The following DLC1 variants were observed in gnomAD, a reference collection of about 807,000 sequenced individuals.
The protein encoded by DLC1 is DLC1 Rho GTPase activating protein.
DLC1 carries 54 observed loss-of-function variants against 140.3 expected under a neutral mutation model. The ratio of observed to expected loss-of-function variants is 0.38; its 90% CI spans 0.31 to 0.48. DLC1 has a LOEUF of 0.48. Among genes scored for constraint, DLC1 ranks in the 20% least tolerant of loss-of-function variants. DLC1 has a pLI of 0.96. For missense variants in DLC1, 2,536 were observed against 1,907.0 expected, an observed-to-expected ratio of 1.33 and a Z score of -6.14; for synonymous variants, 986 against 728.1, an observed-to-expected ratio of 1.35 and a Z score of -5.70.
At chr8:13,346,516 G>C (rs1017299746) in intron 4 of DLC1, among the ~76,000 whole-genome samples, 1 of 152,194 alleles carries the variant, frequency 6.6e-6, no homozygotes, top group Non-Finnish European at 1.5e-5. Context: ...TGCCAAGTCT[G>C]TTCACAAAGT....
chr8:13,437,721 C>T (rs796178987), intron 2 of DLC1, among the ~76,000 whole-genome samples: 10 of 152,264 alleles, frequency 6.6e-5, no homozygotes, highest in African/African-American at 2.4e-4. Context: ...CAGTCCATGA[C>T]CTGGCTGCAG....
chr8:13,358,309 C>T (rs566953093), intron 4 of DLC1, among the ~76,000 whole-genome samples: 1 of 152,260 alleles, frequency 6.6e-6, no homozygotes, highest in South Asian at 2.1e-4. Context: ...ACCACGAAAG[C>T]ACTAAATTGG....
At chr8:13,588,067 A>T (rs569070973) in intron 1 of DLC1, among the ~76,000 whole-genome samples, 2 of 152,230 alleles carry the variant, frequency 1.3e-5, no homozygotes, top group Non-Finnish European at 2.9e-5. Flanking sequence ...AGGTTTTAAA[A>T]GTCAGACAGT....
chr8:13,422,038 C>A (rs1838342465), intron 2 of DLC1, among the ~76,000 whole-genome samples: 1 of 151,984 alleles, frequency 6.6e-6, no homozygotes, highest in Non-Finnish European at 1.5e-5. Context: ...AATAGTAATT[C>A]TTTGGTTATC....
At chr8:13,276,732 G>A (rs963426859) in intron 5 of DLC1, 58 of 462,174 alleles carry the variant, frequency 1.3e-4, no homozygotes, top group Non-Finnish European at 1.5e-4. Context: ...TCACATAGCA[G>A]GTCTTCCCTT....
At chr8:13,545,636 A>T (rs896879640) in intron 1 of DLC1, among the ~76,000 whole-genome samples, 18 of 152,242 alleles carry the variant, frequency 1.2e-4, no homozygotes, top group Admixed American at 7.9e-4. Flanking sequence ...ATATAAAGAG[A>T]ACATTTAGCC....
chr8:13,575,239 T>A (rs1804797636), intron 1 of DLC1, among the ~76,000 whole-genome samples: 1 of 152,150 alleles, frequency 6.6e-6, no homozygotes, highest in Admixed American at 6.6e-5. Flanking sequence ...GGAGAAAATT[T>A]GTTGTAGTCA....
chr8:13,577,905 G>T (rs1283964563), intron 1 of DLC1, among the ~76,000 whole-genome samples: 1 of 152,072 alleles, frequency 6.6e-6, no homozygotes, highest in Non-Finnish European at 1.5e-5. Context: ...AAGGAAGCCA[G>T]TTGATTAAAA....
At chr8:13,225,872 C>A (rs1828775017) in intron 5 of DLC1, among the ~76,000 whole-genome samples, 1 of 152,056 alleles carries the variant, frequency 6.6e-6, no homozygotes, top group Non-Finnish European at 1.5e-5. Flanking sequence ...GCCTTGGCCT[C>A]CGACTGTGCT....
chr8:13,567,076 A>G (rs1263477036), intron 1 of DLC1: 2 of 1,551,748 alleles, frequency 1.3e-6, no homozygotes, highest in Admixed American at 2.0e-5. Context: ...GAAGAACTCT[A>G]CTGATGAGGT....
At chr8:13,431,704 A>G (rs1412914638) in intron 2 of DLC1, among the ~76,000 whole-genome samples, 1 of 151,950 alleles carries the variant, frequency 6.6e-6, no homozygotes, top group Non-Finnish European at 1.5e-5. Context: ...AATTGTGGTC[A>G]GGGGGATACG....
intron 5 of DLC1, among the ~76,000 whole-genome samples, chr8:13,170,134 T>C (rs1048261488): frequency 1.3e-5 from 2 of 152,240 alleles, no homozygotes; most frequent in Non-Finnish European, 2.9e-5. Context: ...TAGCATATAA[T>C]TTTTTGGCTA....
chr8:13,562,323 GAC>G (rs1804271833), intron 1 of DLC1, among the ~76,000 whole-genome samples: 1 of 151,808 alleles, frequency 6.6e-6, no homozygotes, highest in Non-Finnish European at 1.5e-5. Context: ...CCAAGTCACA[GAC>G]AAATAAATAA....
intron 1 of DLC1, among the ~76,000 whole-genome samples, chr8:13,571,831 A>G (rs1488892300): frequency 1.3e-5 from 2 of 152,186 alleles, no homozygotes; most frequent in African/African-American, 2.4e-5. Context: ...CCAGCAAGCT[A>G]CAAGGATTCG....
rs1196281776 is a variant in DLC1 at position 13,600,940 on chromosome 8, AG to A, written c.-126+3596del. On this transcript the variant is annotated intron_variant, in intron 1 of 1. Transcript: ENST00000631382. ...GTAGTATTCATTTTACCAAATCATG[AG>A]TATTTTCCCAATTTAATTTATATTT... Among the ~76,000 whole-genome samples the A allele has an allele frequency of 3.9e-5, 6 of 151,990 alleles. No individual in the cohort carries two copies. The East Asian group carries it at 7.7e-4, about 20-fold the overall frequency.
At chr8:13,383,035 A>T (rs1836345037) in intron 4 of DLC1, among the ~76,000 whole-genome samples, 1 of 152,228 alleles carries the variant, frequency 6.6e-6, no homozygotes. Flanking sequence ...GAGATAGTGA[A>T]AAATTAAAAG....
Position 13,100,675 on chromosome 8 carries a change from A to T in DLC1, c.1662T>A (p.Asp554Glu), listed in dbSNP as rs546648938. 5.6e-6 allele frequency: 9 copies of T among 1,614,056 alleles called. 1 individual carries two copies. The African/African-American group carries it at 1.2e-4, about 22-fold the overall frequency. ...CCAGGTCTTGTTTTGGAGAAAAGAC[A>T]TCAAACTCTTCAAGCCGGGACCACC... ...SKRWSRLEEF[D>E]VFSPKQDLVP... The change falls in exon 9 of 18, where the codon GAT becomes GAA. Residue 554 changes from aspartate (D) to glutamate (E), a missense_variant. Coordinates refer to ENST00000276297, the MANE Select transcript of DLC1 (RefSeq NM_182643.3).
chr8:13,216,591 G>T (rs113575097), intron 5 of DLC1, among the ~76,000 whole-genome samples: 1 of 152,122 alleles, frequency 6.6e-6, no homozygotes, highest in African/African-American at 2.4e-5. Context: ...CCTTTCCTTC[G>T]TGTCATTTCC....
At chr8:13,284,313 C>T (rs146536886) in intron 5 of DLC1, among the ~76,000 whole-genome samples, 6 of 152,038 alleles carry the variant, frequency 3.9e-5, no homozygotes, top group South Asian at 2.1e-4. Flanking sequence ...GATCACCTAA[C>T]GTCAGGAGTT....
Sources: allele counts gnomAD v4.1 joint callset (sites outside exome capture counted in the v4.1 genomes callset), GRCh38; gene constraint gnomAD v4.1.1; transcripts MANE v1.5; gene names NCBI Gene and HGNC (gene_info 2026-07-23, HGNC 2026-07-21).